CAPN3: variants seen among roughly 807,000 people sequenced by gnomAD.
CAPN3 encodes the protein calpain 3.
In CAPN3, 88 loss-of-function variants were observed where a neutral mutation model predicts 114.0. The ratio of observed to expected loss-of-function variants is 0.77; its 90% CI spans 0.65 to 0.92. CAPN3 has a LOEUF of 0.92. CAPN3 is among the 40% of genes least tolerant of loss of function. CAPN3 has a pLI of 0.00. For synonymous variants in CAPN3, 386 were observed against 382.9 expected (o/e 1.01, Z -0.09); for missense variants, 1,028 against 1,069.0 (o/e 0.96, Z 0.53).
At chr15:42,363,860 C>T (rs1327323029) in intron 1 of CAPN3, among the ~76,000 whole-genome samples, 3 of 152,176 alleles carry the variant, frequency 2.0e-5, no homozygotes, top group Non-Finnish European at 4.4e-5. Flanking sequence ...GCCAGATCTC[C>T]CAGTTAGTGA....
In CAPN3 at chr15:42,366,839, TC is replaced by T. The variant is rs1340575308; in HGVS notation, c.309+6726del. ...GAATTCTTTTTTTTCTTTTTTTTTT[TC>T]TTTTTTTTTTTGAGACAGGGTCTCG... is the stretch of plus-strand genomic sequence containing the variant. On this transcript the variant is annotated intron_variant, in intron 1 of 23. Transcript: ENST00000397163. 9.5e-3 allele frequency among the ~76,000 whole-genome samples: 1,301 copies of T among 137,062 alleles called. 36 individuals are homozygous for T. Among genetic ancestry groups the T allele is most frequent in the Middle Eastern group, 0.034 (10 of 290 alleles). 89.9% of individuals were successfully genotyped at this position (137,062 alleles called of 152,430 possible).
intron 1 of CAPN3, among the ~76,000 whole-genome samples, chr15:42,360,823 G>C (rs183845501): frequency 1.1e-3 from 165 of 152,232 alleles, no homozygotes; most frequent in African/African-American, 3.7e-3. Context: ...TACAGTGATC[G>C]CCAGGAGGGA....
intron 1 of CAPN3, among the ~76,000 whole-genome samples, chr15:42,363,527 G>A (rs2052702499): frequency 6.6e-6 from 1 of 152,148 alleles, no homozygotes; most frequent in African/African-American, 2.4e-5. Context: ...GACCTGTAAA[G>A]CCCAGTTCTT....
intron 12 of CAPN3, 24 bp from the exon 13 acceptor site, chr15:42,402,770 C>T (rs747225474): frequency 1.2e-6 from 2 of 1,611,504 alleles, no homozygotes; most frequent in South Asian, 1.1e-5. Context: ...GGCTCATGTG[C>T]CCTGGGCTCT....
Position 42,387,760 on chromosome 15 carries a change from G to T in CAPN3, c.506G>T (p.Arg169Leu). The change falls in exon 4 of 24, where the codon CGC (arginine) becomes CTC (leucine). Residue 169 changes from arginine to leucine, a missense_variant. By Grantham distance (102) the Arg-to-Leu change is moderately radical (BLOSUM62 -2). Transcript: ENST00000397163. ...YAGIFHFQFW[R>L]YGEWVDVVID... ...CGTGACGCTTCTGTGCAGTTCTGGC[G>T]CTATGGAGAGTGGGTGGACGTGGTT... is the stretch of plus-strand genomic sequence containing the variant. The T allele has an allele frequency of 6.2e-7, 1 of 1,614,178 alleles. No individual in the cohort carries two copies.
chr15:42,366,282 T>G (rs1399707169), intron 1 of CAPN3, among the ~76,000 whole-genome samples: 3 of 152,200 alleles, frequency 2.0e-5, no homozygotes, highest in Non-Finnish European at 4.4e-5. Context: ...TCCCAGGCTC[T>G]TTCTTTCTTC....
In CAPN3 at chr15:42,384,536, C is replaced by G. The variant is rs901764287; in HGVS notation, c.363C>G (p.Ile121Met). 5.0e-6 allele frequency: 8 copies of G among 1,613,466 alleles called. No homozygotes were observed. The highest frequency in any genetic ancestry group is 1.3e-5 in the African/African-American group (1 of 74,938). ...TTGATGGAGCCAACAGAACTGACAT[C>G]TGTCAAGGAGAGCTAGGTAGGAAAG... ...FIIDGANRTD[I>M]CQGELGDCWF... Residue 121 changes from isoleucine to methionine, a missense_variant, in exon 2 of 24, where the codon ATC becomes ATG. Transcript: ENST00000397163.
intron 7 of CAPN3, among the ~76,000 whole-genome samples, chr15:42,393,904 T>G (rs1424452346): frequency 1.3e-5 from 2 of 152,124 alleles, no homozygotes; most frequent in Non-Finnish European, 2.9e-5. Context: ...GCAGGGGCCT[T>G]TTTTCTAATT....
At chr15:42,398,590 TACACACACACACACACACAC>T (rs376966106) in intron 9 of CAPN3, among the ~76,000 whole-genome samples, 8 of 120,256 alleles carry the variant, frequency 6.7e-5, no homozygotes, top group East Asian at 2.5e-4. Context: ...TCTCAAAAAA[TACACACACACACACACACAC>T]ACACACACAC....
At position 42,410,662 on chromosome 15, in the gene CAPN3, C is replaced by T. The variant is rs755010088; in HGVS notation, c.2259C>T (p.Asp753=). 2.7e-5 allele frequency: 43 copies of T among 1,612,796 alleles called. No individual in the cohort carries two copies. Among genetic ancestry groups the T allele is most frequent in the Non-Finnish European group, 3.1e-5 (37 of 1,179,252 alleles). ...NSYEMRNAVN[D]AGFHLNNQLY... ...ACGAGATGCGAAATGCAGTCAACGA[C>T]GCAGGTGCTGAGAAGGAAGGGGTGG... Residue 753 remains aspartate (D), a synonymous_variant, in exon 21 of 24, where the codon GAC becomes GAT. Coordinates refer to ENST00000397163, the MANE Select transcript of CAPN3 (RefSeq NM_000070.3).
chr15:42,367,831 C>T (rs116127972), intron 1 of CAPN3, among the ~76,000 whole-genome samples: 3,719 of 151,876 alleles, frequency 0.024, 148 homozygotes, highest in African/African-American at 0.085. Flanking sequence ...TTTTTTCTCT[C>T]TTTTTTTTAA....
At chr15:42,401,990 G>A in intron 11 of CAPN3, 134 bp from the exon 12 acceptor site, 1 of 1,348,526 alleles carries the variant, frequency 7.4e-7, no homozygotes, top group Middle Eastern at 1.8e-4. Context: ...TAGAGAGGCA[G>A]TGGAGCGGGC....
chr15:42,412,032 C>G lies in CAPN3; in HGVS notation c.*259C>G. 1 of 1,514,038 alleles carries G rather than the reference C, an allele frequency of 6.6e-7. No homozygotes were observed. The highest frequency in any genetic ancestry group is 1.3e-5 in the South Asian group (1 of 79,908). 93.8% of individuals were successfully genotyped at this position (1,514,038 alleles called of 1,614,324 possible). On this transcript the variant is annotated 3_prime_UTR_variant, in exon 24 of 24. Coordinates refer to ENST00000397163, the MANE Select transcript of CAPN3 (RefSeq NM_000070.3). Reference sequence around the variant, plus strand: ...GCCATGTGGAGGAAAGTGCCTGCCTCTGGTCCGAGCCGCCTCGGTTCTGAA... The same window carrying G: ...GCCATGTGGAGGAAAGTGCCTGCCTGTGGTCCGAGCCGCCTCGGTTCTGAA...
Position 42,359,531 on chromosome 15 carries a change from G to A in CAPN3, c.-275G>A. ...CTTTCTCTCTCCCTCTGGCATGCAT[G>A]CTGCTGGTAGGAGACCCCCAAGTCA... On this transcript the variant is annotated 5_prime_UTR_variant, in exon 1 of 24. The change abolishes an upstream ATG in the 5' untranslated region. Coordinates refer to ENST00000397163, the MANE Select transcript of CAPN3 (RefSeq NM_000070.3). 7.6e-7 allele frequency: 1 copy of A among 1,310,552 alleles called. No individual in the cohort carries two copies. Among genetic ancestry groups the A allele is most frequent in the Non-Finnish European group, 9.8e-7 (1 of 1,025,600 alleles). 81.2% of individuals were successfully genotyped at this position (1,310,552 alleles called of 1,614,324 possible). A position where few individuals can be genotyped will look rare whatever the true frequency, so the allele number is the denominator to read the frequency against.
intron 3 of CAPN3, 27 bp downstream of exon 3, chr15:42,386,312 G>C (rs2053404667): frequency 6.6e-7 from 1 of 1,523,070 alleles, no homozygotes; most frequent in African/African-American, 1.4e-5. Flanking sequence ...GTAGTTAAGA[G>C]GGCCAGCGGC....
chr15:42,394,111 T>C, intron 7 of CAPN3, 145 bp from the exon 8 acceptor site: 1 of 779,072 alleles, frequency 1.3e-6, no homozygotes, highest in Non-Finnish European at 2.2e-6. Flanking sequence ...CCAGCACACT[T>C]GTGATTAATC....
chr15:42,407,002 C>T (rs985133251), intron 15 of CAPN3, among the ~76,000 whole-genome samples: 3 of 152,116 alleles, frequency 2.0e-5, no homozygotes, highest in Non-Finnish European at 4.4e-5. Flanking sequence ...TGAGTCCAGG[C>T]GGGCTGCTTT....
chr15:42,377,376 T>A (rs57134130), intron 1 of CAPN3, among the ~76,000 whole-genome samples: 17,245 of 152,184 alleles, frequency 0.11, 1,208 homozygotes, highest in South Asian at 0.25. Flanking sequence ...GAGGTTTTTT[T>A]AAATCATGAA....
intron 4 of CAPN3, 109 bp downstream of exon 4, chr15:42,387,995 A>T: frequency 7.6e-7 from 1 of 1,311,398 alleles, no homozygotes; most frequent in Non-Finnish European, 1.1e-6. Context: ...ATACGTGCAT[A>T]TGTGTGGGCA....
Sources: allele counts gnomAD v4.1 joint callset (sites outside exome capture counted in the v4.1 genomes callset), GRCh38; gene constraint gnomAD v4.1.1; transcripts MANE v1.5; gene names NCBI Gene and HGNC (gene_info 2026-07-23, HGNC 2026-07-21).